Variants in STK32B observed in about 807,000 individuals in gnomAD.
The protein encoded by STK32B is serine/threonine-protein kinase 32B.
STK32B carries 43 observed loss-of-function variants against 52.6 expected under a neutral mutation model. That is an observed-to-expected ratio of 0.82 (90% CI 0.64 to 1.05). The LOEUF is 1.05. STK32B is among the 50% of genes least tolerant of loss of function. The probability of loss-of-function intolerance (pLI) is 0.00; values close to 1 mark genes in which losing one functional copy is unlikely to be tolerated. For missense variants in STK32B, 621 were observed against 534.6 expected (o/e 1.16, Z -1.59); for synonymous variants, 238 against 204.3 (o/e 1.17, Z -1.41).
intron 3 of STK32B, among the ~76,000 whole-genome samples, chr4:5,187,826 A>G (rs1720866165): frequency 6.6e-6 from 1 of 152,210 alleles, no homozygotes; most frequent in Non-Finnish European, 1.5e-5. Context: ...CTCTTTCTAA[A>G]GCCAACTTCT....
the STK32B span, among the ~76,000 whole-genome samples, chr4:5,034,447 G>T: frequency 6.6e-6 from 1 of 152,052 alleles, no homozygotes. Flanking sequence ...TATTCTATGC[G>T]CTCCCCTCCC....
chr4:5,291,342 T>C (rs935554177), intron 3 of STK32B, among the ~76,000 whole-genome samples: 6 of 152,178 alleles, frequency 3.9e-5, no homozygotes, highest in Non-Finnish European at 8.8e-5. Flanking sequence ...CAATGATGTT[T>C]TGTAGTTTTC....
intron 3 of STK32B, among the ~76,000 whole-genome samples, chr4:5,232,241 A>G (rs116217381): frequency 1.0e-3 from 158 of 152,352 alleles, no homozygotes; most frequent in African/African-American, 2.3e-3. Context: ...AGATAACATT[A>G]TTGAAATATT....
At chr4:5,093,920 A>G (rs779806498) in intron 1 of STK32B, among the ~76,000 whole-genome samples, 1 of 152,238 alleles carries the variant, frequency 6.6e-6, no homozygotes, top group Non-Finnish European at 1.5e-5. Flanking sequence ...AAAAGTCCTG[A>G]CATTACAAGA....
At chr4:5,363,197 G>A (rs1734661935) in intron 4 of STK32B, among the ~76,000 whole-genome samples, 1 of 152,198 alleles carries the variant, frequency 6.6e-6, no homozygotes, top group Non-Finnish European at 1.5e-5. Context: ...AGTCATGAAA[G>A]TATACAAATT....
chr4:5,232,002 G>A (rs1357991098), intron 3 of STK32B, among the ~76,000 whole-genome samples: 5 of 152,142 alleles, frequency 3.3e-5, no homozygotes, highest in South Asian at 2.1e-4. Context: ...CATACTAGCC[G>A]AGTGCCTGTC....
chr4:5,365,489 G>T (rs6823306), intron 4 of STK32B, among the ~76,000 whole-genome samples: 17,348 of 152,142 alleles, frequency 0.11, 1,601 homozygotes, highest in Admixed American at 0.22. Flanking sequence ...TATTCTTATT[G>T]TAGAAGTCTG....
intron 3 of STK32B, among the ~76,000 whole-genome samples, chr4:5,279,344 G>A (rs1174906622): frequency 6.6e-6 from 1 of 152,204 alleles, no homozygotes; most frequent in Non-Finnish European, 1.5e-5. Flanking sequence ...AACCCAGTAA[G>A]GCAGTCATTA....
At chr4:5,455,423 A>G (rs961926559) in intron 7 of STK32B, among the ~76,000 whole-genome samples, 10 of 152,224 alleles carry the variant, frequency 6.6e-5, no homozygotes, top group Admixed American at 6.5e-4. Context: ...CATATGCCGC[A>G]TGCATAGGAA....
intron 1 of STK32B, among the ~76,000 whole-genome samples, chr4:5,137,649 C>G (rs575121086): frequency 4.4e-4 from 67 of 152,298 alleles, no homozygotes; most frequent in Admixed American, 1.2e-3. Context: ...CTAAATGATG[C>G]CGCTAATGAC....
At chr4:5,325,405 T>G (rs1359577861) in intron 3 of STK32B, among the ~76,000 whole-genome samples, 1 of 152,136 alleles carries the variant, frequency 6.6e-6, no homozygotes, top group Non-Finnish European at 1.5e-5. Flanking sequence ...TGGGGAGATT[T>G]GAGACACATT....
At chr4:5,361,695 A>C (rs1245539552) in intron 4 of STK32B, among the ~76,000 whole-genome samples, 1 of 152,274 alleles carries the variant, frequency 6.6e-6, no homozygotes, top group African/African-American at 2.4e-5. Flanking sequence ...TCTGTAATAA[A>C]GAGCTTAAAC....
intron 6 of STK32B, among the ~76,000 whole-genome samples, chr4:5,431,738 A>G (rs921687163): frequency 4.6e-5 from 7 of 152,302 alleles, no homozygotes; most frequent in Middle Eastern, 3.4e-3. Context: ...ATTGCTAGCA[A>G]TGCTACTAGC....
intron 11 of STK32B, among the ~76,000 whole-genome samples, chr4:5,474,054 C>T (rs1360927219): frequency 6.6e-6 from 1 of 152,040 alleles, no homozygotes; most frequent in Non-Finnish European, 1.5e-5. Flanking sequence ...GCAGAAGTTG[C>T]AGTGAGCCAA....
At chr4:5,032,272 G>C in the STK32B span, among the ~76,000 whole-genome samples, 2 of 151,390 alleles carry the variant, frequency 1.3e-5, no homozygotes, top group African/African-American at 4.9e-5. Context: ...TCAGGAGTTC[G>C]AGAGCAGTCT....
chr4:5,140,255 A>G (rs548624359), intron 2 of STK32B: 97 of 1,418,792 alleles, frequency 6.8e-5, no homozygotes, highest in Admixed American at 1.9e-4. Context: ...AAAAAAACCC[A>G]TAAACATCAC....
At chr4:5,443,891 G>A (rs1259169582) in intron 6 of STK32B, among the ~76,000 whole-genome samples, 3 of 152,218 alleles carry the variant, frequency 2.0e-5, no homozygotes, top group African/African-American at 4.8e-5. Flanking sequence ...CTGCTGGGGG[G>A]TGCCTGCCAG....
At chr4:5,421,208 G>C (rs1712617093) in intron 6 of STK32B, among the ~76,000 whole-genome samples, 1 of 152,150 alleles carries the variant, frequency 6.6e-6, no homozygotes, top group African/African-American at 2.4e-5. Context: ...TCCTGCCTTA[G>C]CCTCCCAAGT....
chr4:5,466,761 A>T lies in STK32B; in HGVS notation c.968A>T (p.Lys323Met). Residue 323 changes from lysine to methionine, a missense_variant, in exon 10 of 12, where the codon AAG becomes ATG. Physicochemically the swap from Lys to Met is moderately conservative, Grantham distance 95 (BLOSUM62 -1). Coordinates refer to ENST00000282908, the MANE Select transcript of STK32B (RefSeq NM_018401.3). ...CTTGAAGAGATGATTCTAGAATCCA[A>T]GCCACTTCACAAAAAGAAGAAGCGA... Reference protein sequence around the residue: ...FELEEMILESKPLHKKKKRLA... With the variant: ...FELEEMILESMPLHKKKKRLA... 6.2e-7 allele frequency: 1 copy of T among 1,614,088 alleles called. No individual in the cohort carries two copies. The highest frequency in any genetic ancestry group is 8.5e-7 in the Non-Finnish European group (1 of 1,179,994).
Sources: gnomAD v4.1 joint callset for allele counts (sites outside exome capture counted in the v4.1 genomes callset) on GRCh38, gnomAD v4.1.1 for gene constraint, MANE v1.5 for transcripts, NCBI Gene and HGNC (gene_info 2026-07-23, HGNC 2026-07-21) for gene names.